FAM120C: variants seen among roughly 807,000 people sequenced by gnomAD.
FAM120C encodes constitutive coactivator of PPAR-gamma-like protein 2.
In FAM120C, 14 loss-of-function variants were observed where a neutral mutation model predicts 71.2. The ratio of observed to expected loss-of-function variants is 0.20; its 90% CI spans 0.13 to 0.31. The LOEUF is 0.31. FAM120C is among the 10% of genes least tolerant of loss of function. The pLI is 1.00. For missense variants in FAM120C, 500 were observed against 879.0 expected, an observed-to-expected ratio of 0.57 and a Z score of 5.45; for synonymous variants, 354 against 353.2, an observed-to-expected ratio of 1.00 and a Z score of -0.03.
rs1046456943 is a variant in FAM120C at position 54,107,060 on chromosome X, T to C, written c.2312+9485A>G. On this transcript the variant is annotated intron_variant, in intron 10 of 15. Transcript: ENST00000375180. The stretch of plus-strand genomic sequence containing the variant: ...AGTCCATGTAACGTAGAGAACCAAA[T>C]AAATGGGAAAATGAGCTATTATATG... Among the ~76,000 whole-genome samples the C allele has an allele frequency of 2.7e-5, 3 of 110,888 alleles. No individual in the cohort carries two copies. In the Admixed American group the frequency reaches 2.9e-4, roughly 11 times the overall value.
chrX:54,142,868 C>T (rs1338107607), intron 4 of FAM120C, among the ~76,000 whole-genome samples: 7 of 111,493 alleles, frequency 6.3e-5, no homozygotes, highest in Admixed American at 5.8e-4. Flanking sequence ...CTCATACAGC[C>T]GGGTGCCCCT....
intron 4 of FAM120C, among the ~76,000 whole-genome samples, chrX:54,137,722 C>T (rs2067101826): frequency 9.0e-6 from 1 of 111,509 alleles, no homozygotes; most frequent in Admixed American, 9.6e-5. Context: ...ACCAAAGGCA[C>T]TTAAACATAT....
intron 10 of FAM120C, among the ~76,000 whole-genome samples, chrX:54,100,528 C>G (rs1219018357): frequency 9.1e-6 from 1 of 109,369 alleles, no homozygotes; most frequent in Non-Finnish European, 1.9e-5. Flanking sequence ...AAAAAATTAG[C>G]TGGCCATGGT....
chrX:54,140,306 G>A (rs1603360358), intron 4 of FAM120C, among the ~76,000 whole-genome samples: 1 of 98,942 alleles, frequency 1.0e-5, no homozygotes, highest in African/African-American at 3.7e-5. Flanking sequence ...AAAAAAAAAA[G>A]AAAAAGAAAA....
At chrX:54,116,477 G>T in intron 10 of FAM120C, 68 bp downstream of exon 10, 1 of 1,107,340 alleles carries the variant, frequency 9.0e-7, no homozygotes, top group Non-Finnish European at 1.2e-6. Context: ...CATAAAAGCA[G>T]GTGCTTAAAG....
intron 7 of FAM120C, 140 bp from the exon 8 acceptor site, chrX:54,134,186 C>A: frequency 1.7e-6 from 1 of 572,459 alleles, no homozygotes; most frequent in Non-Finnish European, 2.7e-6. Context: ...GGACTGGTAC[C>A]TTTCCTCTCA....
intron 10 of FAM120C, among the ~76,000 whole-genome samples, chrX:54,116,038 G>A (rs1557126576): frequency 1.8e-5 from 2 of 111,129 alleles, no homozygotes; most frequent in Non-Finnish European, 3.8e-5. Flanking sequence ...CCAAGATTAC[G>A]CCATTGCACT....
intron 4 of FAM120C, among the ~76,000 whole-genome samples, chrX:54,150,243 G>A (rs1402690814): frequency 9.0e-6 from 1 of 111,708 alleles, no homozygotes; most frequent in African/African-American, 3.2e-5. Context: ...CCTTAAATGT[G>A]CTCAGAATAC....
chrX:54,175,656 G>A lies in FAM120C; in HGVS notation c.699+6844C>T, dbSNP rs150777560. Among the ~76,000 whole-genome samples, 1,063 of 110,952 alleles carry A rather than the reference G, an allele frequency of 9.6e-3. 8 individuals are homozygous for A. Among genetic ancestry groups the A allele is most frequent in the Middle Eastern group, 0.014 (3 of 216 alleles). On this transcript the variant is annotated intron_variant, in intron 1 of 15. Coordinates refer to ENST00000375180, the MANE Select transcript of FAM120C (RefSeq NM_017848.6). ...CCCAAGTAGCTGGGACTACAGGTGC[G>A]CACCACCATGCCCCGCTACAAGATA...
intron 10 of FAM120C, among the ~76,000 whole-genome samples, chrX:54,104,975 A>G (rs1421892438): frequency 9.0e-6 from 1 of 111,604 alleles, no homozygotes. Context: ...ATTCTATCAG[A>G]CGTACAAAGA....
intron 10 of FAM120C, among the ~76,000 whole-genome samples, chrX:54,099,813 C>A (rs1439766786): frequency 8.9e-6 from 1 of 112,132 alleles, no homozygotes; most frequent in African/African-American, 3.2e-5. Flanking sequence ...TCGAATGTAA[C>A]TACATTAATT....
At chrX:54,118,699 CTTTTT>C (rs1187381929) in intron 9 of FAM120C, among the ~76,000 whole-genome samples, 5 of 31,730 alleles carry the variant, frequency 1.6e-4, no homozygotes, top group Middle Eastern at 0.021. Flanking sequence ...TTCTTTTTTT[CTTTTT>C]TTTTTTTTTT....
chrX:54,180,538 G>A (rs1173917223), intron 1 of FAM120C, among the ~76,000 whole-genome samples: 1 of 112,502 alleles, frequency 8.9e-6, no homozygotes, highest in African/African-American at 3.2e-5. Context: ...GTAAGTGAAT[G>A]ACCTGAACAC....
chrX:54,129,264 C>T (rs375136424), intron 9 of FAM120C, among the ~76,000 whole-genome samples: 12 of 105,694 alleles, frequency 1.1e-4, no homozygotes, highest in Admixed American at 1.1e-3. Context: ...ACTTCTCAGA[C>T]GGGGCGGCTG....
At chrX:54,081,999 A>G (rs1444521058) in intron 13 of FAM120C, among the ~76,000 whole-genome samples, 6 of 108,679 alleles carry the variant, frequency 5.5e-5, no homozygotes, top group Admixed American at 1.0e-4. Flanking sequence ...CCTGGCCAAC[A>G]TGGGGAAACC....
chrX:54,183,016 C>T lies in FAM120C; in HGVS notation c.183G>A (p.Val61=). ...PGAPRAARGS[V]PLQPPLPPAA... ...CGGGCGGAAGCGGCGGTTGCAGAGG[C>T]ACGGAGCCCCTGGCGGCGCGTGGAG... Residue 61 remains valine, a synonymous_variant, in exon 1 of 16, where the codon GTG becomes GTA. Transcript: ENST00000375180. 1 of 1,158,365 alleles carries T rather than the reference C, an allele frequency of 8.6e-7. No individual in the cohort carries two copies. The highest frequency in any genetic ancestry group is 1.1e-6 in the Non-Finnish European group (1 of 871,218).
intron 1 of FAM120C, among the ~76,000 whole-genome samples, chrX:54,177,733 A>G (rs891318144): frequency 8.9e-6 from 1 of 111,757 alleles, no homozygotes; most frequent in African/African-American, 3.3e-5. Context: ...ACTTAAAGCC[A>G]CAATAATGGA....
intron 15 of FAM120C, among the ~76,000 whole-genome samples, chrX:54,079,520 C>T (rs369825609): frequency 2.7e-5 from 3 of 111,746 alleles, no homozygotes; most frequent in African/African-American, 6.5e-5. Flanking sequence ...ATAAGCAGGC[C>T]GGTTGCGGTG....
At chrX:54,077,440 C>T (rs1422622813) in intron 15 of FAM120C, among the ~76,000 whole-genome samples, 1 of 110,952 alleles carries the variant, frequency 9.0e-6, no homozygotes, top group African/African-American at 3.3e-5. Context: ...TCCTATAATC[C>T]CGGCACTTTG....
Sources: allele counts gnomAD v4.1 joint callset (sites outside exome capture counted in the v4.1 genomes callset), GRCh38; gene constraint gnomAD v4.1.1; transcripts MANE v1.5; gene names NCBI Gene and HGNC (gene_info 2026-07-23, HGNC 2026-07-21).